The following JPH3 variants were observed in gnomAD, a reference collection of about 807,000 sequenced individuals.
The protein encoded by JPH3 is junctophilin-3.
A neutral mutation model predicts 59.6 loss-of-function variants in JPH3; 11 were observed. The observed-to-expected ratio is 0.18, with a 90% CI of 0.12 to 0.31. The LOEUF (loss-of-function observed/expected upper bound fraction) is 0.31, where lower values mean the gene tolerates loss of function less well. Ranked by LOEUF, JPH3 falls within the 10% of genes least tolerant of loss-of-function variation. JPH3 has a pLI of 1.00. For missense variants in JPH3, 1,202 were observed against 1,105.7 expected, an observed-to-expected ratio of 1.09 and a Z score of -1.24; for synonymous variants, 673 against 483.6, an observed-to-expected ratio of 1.39 and a Z score of -5.14.
At chr16:87,689,330 C>T (rs2033496598) in intron 3 of JPH3, among the ~76,000 whole-genome samples, 1 of 152,134 alleles carries the variant, frequency 6.6e-6, no homozygotes, top group Non-Finnish European at 1.5e-5. Flanking sequence ...GACCTGAGTC[C>T]ACACCCCAGC....
chr16:87,695,792 G>A (rs150002244), intron 4 of JPH3: 35 of 456,012 alleles, frequency 7.7e-5, no homozygotes, highest in African/African-American at 5.4e-4. Flanking sequence ...GCAGAAGGGC[G>A]CCCCCGGAAA....
chr16:87,620,001 C>G (rs2031114785), intron 1 of JPH3, among the ~76,000 whole-genome samples: 1 of 152,148 alleles, frequency 6.6e-6, no homozygotes, highest in Non-Finnish European at 1.5e-5. Context: ...GCAAGGAGCC[C>G]AAGGGCCCTC....
intron 1 of JPH3, 148 bp from the exon 2 acceptor site, chr16:87,644,110 C>A: frequency 3.6e-6 from 3 of 836,654 alleles, no homozygotes; most frequent in Admixed American, 5.6e-5. Context: ...TGCACTCCAG[C>A]CTGGGCAACA....
At chr16:87,684,115 C>T (rs767322782) in intron 2 of JPH3, 27 bp from the exon 3 acceptor site, 6 of 1,599,186 alleles carry the variant, frequency 3.8e-6, no homozygotes, top group African/African-American at 1.3e-5. Flanking sequence ...CCCTGCCCCC[C>T]CTCACGCTCC....
rs753117810 is a variant in JPH3 at position 87,644,837 on chromosome 16, A to G, written c.962A>G (p.His321Arg). 6.2e-7 allele frequency: 1 copy of G among 1,613,446 alleles called. No homozygotes were observed. The highest frequency in any genetic ancestry group is 1.1e-5 in the South Asian group (1 of 91,072). The change falls in exon 2 of 5, where the codon CAT (histidine) becomes CGT (arginine). Residue 321 changes from histidine to arginine, a missense_variant. Transcript: ENST00000284262. Reference sequence around the variant, plus strand: ...GGCGAGTGGGCCAGCAACCGGCGCCATGGCTACGGCTGCATGACCTTCCCG... The same window carrying G: ...GGCGAGTGGGCCAGCAACCGGCGCCGTGGCTACGGCTGCATGACCTTCCCG... ...YEGEWASNRRHGYGCMTFPDG... is the reference protein window; with the variant it reads ...YEGEWASNRRRGYGCMTFPDG...
intron 1 of JPH3, among the ~76,000 whole-genome samples, chr16:87,641,791 G>C (rs961036872): frequency 6.6e-6 from 1 of 152,268 alleles, no homozygotes; most frequent in South Asian, 2.1e-4. Flanking sequence ...CTCTGCCCTG[G>C]CTGGGCCATA....
At chr16:87,609,866 G>A (rs1240300250) in intron 1 of JPH3, among the ~76,000 whole-genome samples, 1 of 152,182 alleles carries the variant, frequency 6.6e-6, no homozygotes, top group African/African-American at 2.4e-5. Flanking sequence ...GTTTTGGGAT[G>A]ATTCAGGCGC....
At chr16:87,612,786 C>T (rs575872444) in intron 1 of JPH3, among the ~76,000 whole-genome samples, 16 of 152,110 alleles carry the variant, frequency 1.1e-4, no homozygotes, top group East Asian at 3.9e-4. Context: ...GAGGCCGAGG[C>T]GGGCGGAGGC....
intron 2 of JPH3, among the ~76,000 whole-genome samples, chr16:87,667,704 C>A (rs889408426): frequency 6.6e-6 from 1 of 152,220 alleles, no homozygotes; most frequent in African/African-American, 2.4e-5. Flanking sequence ...CCCGGAGCTT[C>A]CCCTGGTGTA....
intron 4 of JPH3, chr16:87,695,023 A>G: frequency 9.2e-6 from 3 of 325,506 alleles, no homozygotes; most frequent in Non-Finnish European, 1.2e-5. Context: ...GTGCACACAC[A>G]AGGTTTTGAG....
At chr16:87,684,362 G>T in intron 3 of JPH3, 96 bp downstream of exon 3, 1 of 1,508,586 alleles carries the variant, frequency 6.6e-7, no homozygotes, top group Non-Finnish European at 8.9e-7. Context: ...GAGCGGGTAG[G>T]CTTAGATGGG....
chr16:87,643,807 T>C (rs1302485377), intron 1 of JPH3, among the ~76,000 whole-genome samples: 1 of 152,024 alleles, frequency 6.6e-6, no homozygotes, highest in Admixed American at 6.6e-5. Flanking sequence ...GAAGGTACCA[T>C]GGTCTGTCTG....
chr16:87,638,044 C>G (rs965255663), intron 1 of JPH3, among the ~76,000 whole-genome samples: 9 of 152,136 alleles, frequency 5.9e-5, no homozygotes, highest in Non-Finnish European at 1.3e-4. Context: ...CTCTGCCTCC[C>G]CAGTAGCTGG....
chr16:87,679,413 ACTTT>A (rs2033230686), intron 2 of JPH3, among the ~76,000 whole-genome samples: 1 of 152,096 alleles, frequency 6.6e-6, no homozygotes, highest in African/African-American at 2.4e-5. Context: ...GATGAAATGC[ACTTT>A]CCAGGGAATG....
chr16:87,605,945 A>C (rs543409287), intron 1 of JPH3, among the ~76,000 whole-genome samples: 1 of 152,346 alleles, frequency 6.6e-6, no homozygotes, highest in South Asian at 2.1e-4. Flanking sequence ...TTTGGTTGGC[A>C]ACATGGCATG....
chr16:87,649,720 C>T (rs115041564), intron 2 of JPH3, among the ~76,000 whole-genome samples: 239 of 152,302 alleles, frequency 1.6e-3, no homozygotes, highest in African/African-American at 5.4e-3. Flanking sequence ...GATTGTAGCC[C>T]GTTTCTCCTT....
At chr16:87,675,415 G>A (rs942955144) in intron 2 of JPH3, among the ~76,000 whole-genome samples, 2 of 152,200 alleles carry the variant, frequency 1.3e-5, no homozygotes, top group African/African-American at 4.8e-5. Context: ...TCCTGGGCAG[G>A]ACCTGCCCTG....
intron 1 of JPH3, among the ~76,000 whole-genome samples, chr16:87,626,696 C>G (rs1033152650): frequency 1.3e-5 from 2 of 152,256 alleles, no homozygotes; most frequent in East Asian, 3.8e-4. Context: ...GAACCCTGAC[C>G]CTTGGGAAGG....
At chr16:87,615,677 A>G (rs1215220826) in intron 1 of JPH3, among the ~76,000 whole-genome samples, 1 of 152,074 alleles carries the variant, frequency 6.6e-6, no homozygotes, top group African/African-American at 2.4e-5. Context: ...GGCCTCCCTG[A>G]CCCGGGCTGC....
Sources: allele counts gnomAD v4.1 joint callset (sites outside exome capture counted in the v4.1 genomes callset), GRCh38; gene constraint gnomAD v4.1.1; transcripts MANE v1.5; gene names NCBI Gene and HGNC (gene_info 2026-07-23, HGNC 2026-07-21).